The following PUDP variants were observed in gnomAD, a reference collection of about 807,000 sequenced individuals.
PUDP encodes pseudouridine-5'-phosphatase.
A neutral mutation model predicts 9.4 loss-of-function variants in PUDP; 8 were observed. The ratio of observed to expected loss-of-function variants is 0.85; its 90% CI spans 0.50 to 1.53. PUDP has a LOEUF of 1.53. Among genes scored for constraint, PUDP ranks in the 40% most tolerant of loss-of-function variants. PUDP has a pLI of 0.00. For missense variants in PUDP, 188 were observed against 189.7 expected, an observed-to-expected ratio of 0.99 and a Z score of 0.05; for synonymous variants, 99 against 80.7, an observed-to-expected ratio of 1.23 and a Z score of -1.22.
chrX:6,834,949 C>T (rs912726727), intron 3 of PUDP, among the ~76,000 whole-genome samples: 1 of 111,019 alleles, frequency 9.0e-6, no homozygotes, highest in Non-Finnish European at 1.9e-5. Flanking sequence ...ATTAAGTTTC[C>T]GACACATGCT....
At chrX:6,805,886 G>T (rs1372618748) in intron 3 of PUDP, among the ~76,000 whole-genome samples, 1 of 111,568 alleles carries the variant, frequency 9.0e-6, no homozygotes, top group Non-Finnish European at 1.9e-5. Flanking sequence ...AAGTGCCACG[G>T]TGGACCAAGG....
rs775138978 is a variant in PUDP at position 6,957,304 on chromosome X, T to C, written c.*247+19829A>G. Among the ~76,000 whole-genome samples the C allele has an allele frequency of 4.5e-5, 5 of 110,933 alleles. No homozygotes were observed. In the East Asian group the frequency reaches 1.4e-3, roughly 32 times the overall value. On this transcript the variant is annotated intron_variant and NMD_transcript_variant, in intron 3 of 3. Coordinates refer to the PUDP transcript ENST00000655425. ...AAGAGGAGGGACCTTTAAGAGGTGA[T>C]TAGGCCATGAAGGCTCTGCCCTTAT...
At chrX:6,768,867 C>T (rs1335806872) in intron 3 of PUDP, among the ~76,000 whole-genome samples, 1 of 111,470 alleles carries the variant, frequency 9.0e-6, no homozygotes, top group Non-Finnish European at 1.9e-5. Context: ...ATAGAGAAAA[C>T]ACTAGCTCAC....
intron 3 of PUDP, among the ~76,000 whole-genome samples, chrX:6,868,071 T>C (rs771607492): frequency 1.1e-4 from 12 of 111,747 alleles, no homozygotes; most frequent in Middle Eastern, 9.1e-3. Flanking sequence ...ACATGACCTT[T>C]GGGGAACACA....
At chrX:7,120,343 G>A (rs1236383026) in intron 1 of PUDP, among the ~76,000 whole-genome samples, 1 of 110,149 alleles carries the variant, frequency 9.1e-6, no homozygotes, top group Non-Finnish European at 1.9e-5. Flanking sequence ...GAGAGAGAAG[G>A]TATGAAGAGG....
In PUDP at chrX:7,113,828, T is replaced by C. The variant is rs185942327; in HGVS notation, c.62-7990A>G. ...AGTGAGATGCTGTCCAACTACATAT[T>C]CTTGGACTCTGTCTTATTCCATTTT... On this transcript the variant is annotated intron_variant, in intron 1 of 3. Transcript: ENST00000381077. Among the ~76,000 whole-genome samples, 12 of 112,189 alleles carry C rather than the reference T, an allele frequency of 1.1e-4. No homozygotes were observed. In the East Asian group the frequency reaches 3.4e-3, roughly 32 times the overall value.
At chrX:7,010,729 C>T (rs979571336) in intron 1 of PUDP, among the ~76,000 whole-genome samples, 1 of 111,713 alleles carries the variant, frequency 9.0e-6, no homozygotes. Context: ...GAGATCTGGA[C>T]ATCAGGATGT....
chrX:6,783,501 TC>T (rs1319643823), intron 3 of PUDP, among the ~76,000 whole-genome samples: 8 of 111,645 alleles, frequency 7.2e-5, no homozygotes, highest in South Asian at 3.8e-4. Flanking sequence ...GAGACTTCTT[TC>T]CTGTAATGGA....
chrX:7,046,760 T>C (rs1350887337), downstream of PUDP, among the ~76,000 whole-genome samples: 1 of 112,380 alleles, frequency 8.9e-6, no homozygotes, highest in East Asian at 2.8e-4. Flanking sequence ...TGAATGAATA[T>C]GACTTCATGC....
intron 3 of PUDP, among the ~76,000 whole-genome samples, chrX:6,838,917 G>T (rs1926624894): frequency 8.9e-6 from 1 of 111,936 alleles, no homozygotes; most frequent in African/African-American, 3.3e-5. Context: ...GGGCTCTTGG[G>T]GTCCACAAGA....
At chrX:7,054,829 C>T (rs1930196182) in intron 3 of PUDP, among the ~76,000 whole-genome samples, 1 of 111,994 alleles carries the variant, frequency 8.9e-6, no homozygotes, top group Admixed American at 9.5e-5. Context: ...AATTTGAAAA[C>T]GGAACCTGAA....
intron 1 of PUDP, among the ~76,000 whole-genome samples, chrX:6,720,656 C>T (rs1326304271): frequency 1.2e-5 from 1 of 82,937 alleles, no homozygotes; most frequent in East Asian, 3.1e-4. Context: ...AATATTCACA[C>T]TATCCCCAAA....
intron 1 of PUDP, among the ~76,000 whole-genome samples, chrX:7,120,356 C>T (rs887580410): frequency 1.8e-5 from 2 of 110,523 alleles, no homozygotes; most frequent in African/African-American, 6.6e-5. Flanking sequence ...TGAAGAGGAG[C>T]GGTAGTCAGA....
intron 3 of PUDP, among the ~76,000 whole-genome samples, chrX:6,792,815 A>G (rs1047407450): frequency 1.8e-5 from 2 of 112,830 alleles, no homozygotes; most frequent in African/African-American, 6.4e-5. Context: ...GATTTTTGTT[A>G]TAAGTGCCTC....
At chrX:6,758,582 G>C (rs145491773) in intron 3 of PUDP, among the ~76,000 whole-genome samples, 1,268 of 111,494 alleles carry the variant, frequency 0.011, 56 homozygotes, top group Admixed American at 0.11. Flanking sequence ...TTAGATGATG[G>C]GCTGTGTGAT....
intron 1 of PUDP, among the ~76,000 whole-genome samples, chrX:7,133,443 C>G (rs1932669958): frequency 8.9e-6 from 1 of 112,026 alleles, no homozygotes; most frequent in African/African-American, 3.2e-5. Context: ...ATCCGTGAAG[C>G]CAAAGAGAAA....
intron 3 of PUDP, among the ~76,000 whole-genome samples, chrX:6,957,528 G>C (rs768014213): frequency 8.0e-5 from 9 of 111,834 alleles, no homozygotes; most frequent in Non-Finnish European, 1.7e-4. Context: ...CCAGCCTCCA[G>C]AATTGTGAGC....
At chrX:7,063,902 C>T (rs1410378720) in intron 3 of PUDP, among the ~76,000 whole-genome samples, 1 of 111,688 alleles carries the variant, frequency 9.0e-6, no homozygotes, top group African/African-American at 3.3e-5. Context: ...GCTACCTTGG[C>T]CTCGCTAAGT....
chrX:6,879,278 G>A (rs1054674874), intron 3 of PUDP, among the ~76,000 whole-genome samples: 8 of 111,914 alleles, frequency 7.1e-5, no homozygotes, highest in Non-Finnish European at 1.3e-4. Context: ...TGAAATGTCC[G>A]TGAGCCATAT....
Sources: gnomAD v4.1 joint callset for allele counts (sites outside exome capture counted in the v4.1 genomes callset) on GRCh38, gnomAD v4.1.1 for gene constraint, MANE v1.5 for transcripts, NCBI Gene and HGNC (gene_info 2026-07-23, HGNC 2026-07-21) for gene names.